PRKG1: variants seen among roughly 807,000 people sequenced by gnomAD.
PRKG1 encodes the protein protein kinase cGMP-dependent 1, also known as cGMP-dependent protein kinase 1.
A neutral mutation model predicts 88.1 loss-of-function variants in PRKG1; 35 were observed. That is an observed-to-expected ratio of 0.40 (90% CI 0.30 to 0.53). The LOEUF (loss-of-function observed/expected upper bound fraction) is 0.53, where lower values mean the gene tolerates loss of function less well. PRKG1 is among the 20% of genes least tolerant of loss of function. The probability of loss-of-function intolerance (pLI) is 0.59; values close to 1 mark genes in which losing one functional copy is unlikely to be tolerated. For missense variants in PRKG1, 540 were observed against 839.8 expected, an observed-to-expected ratio of 0.64 and a Z score of 4.41; for synonymous variants, 303 against 292.5, an observed-to-expected ratio of 1.04 and a Z score of -0.37.
chr10:51,926,615 A>AT (rs1842582797), intron 5 of PRKG1, among the ~76,000 whole-genome samples: 1 of 151,824 alleles, frequency 6.6e-6, no homozygotes, highest in South Asian at 2.1e-4. Flanking sequence ...GTGCTACTGC[A>AT]TTTTTCCAGC....
chr10:51,725,703 G>T (rs370700197), intron 3 of PRKG1, among the ~76,000 whole-genome samples: 1 of 151,002 alleles, frequency 6.6e-6, no homozygotes, highest in African/African-American at 2.4e-5. Flanking sequence ...GCATGCTCTC[G>T]GCTCACTACA....
intron 3 of PRKG1, among the ~76,000 whole-genome samples, chr10:51,684,205 A>T (rs571638607): frequency 7.9e-5 from 12 of 152,292 alleles, no homozygotes; most frequent in Middle Eastern, 3.4e-3. Flanking sequence ...ACATGGATAA[A>T]TTTTTTTTAA....
chr10:51,010,099 C>T (rs1231458178), intron 1 of PRKG1, among the ~76,000 whole-genome samples: 1 of 152,150 alleles, frequency 6.6e-6, no homozygotes, highest in East Asian at 1.9e-4. Context: ...CATGATTGGC[C>T]TCTGATTTGT....
chr10:51,040,230 A>G (rs1277757606), intron 1 of PRKG1, among the ~76,000 whole-genome samples: 1 of 48,678 alleles, frequency 2.1e-5, no homozygotes, highest in African/African-American at 8.0e-5. Context: ...TTTCCATTCC[A>G]TTTGTGTGTG....
intron 1 of PRKG1, among the ~76,000 whole-genome samples, chr10:51,142,254 C>G (rs922512641): frequency 2.6e-5 from 4 of 152,064 alleles, no homozygotes; most frequent in Non-Finnish European, 5.9e-5. Context: ...CTGTAAAACC[C>G]ATAAAGCATG....
intron 3 of PRKG1, among the ~76,000 whole-genome samples, chr10:51,716,500 C>T (rs1435710023): frequency 1.3e-5 from 2 of 152,136 alleles, no homozygotes; most frequent in African/African-American, 4.8e-5. Context: ...TAAAGTGTTT[C>T]CTGGAAATAA....
chr10:51,349,468 G>GTGTA (rs35310576), intron 2 of PRKG1, among the ~76,000 whole-genome samples: 97,286 of 149,586 alleles, frequency 0.65, 31,937 homozygotes, highest in Middle Eastern at 0.76. Context: ...GTGTGTGTGT[G>GTGTA]TGTGTGTGTG....
upstream of PRKG1, among the ~76,000 whole-genome samples, chr10:51,071,017 C>T (rs537716200): frequency 1.1e-4 from 17 of 152,244 alleles, no homozygotes; most frequent in East Asian, 3.3e-3. Context: ...CTACTCTATC[C>T]CTGAAGGAAT....
chr10:52,196,291 C>G (rs1364132522), intron 9 of PRKG1, among the ~76,000 whole-genome samples: 3 of 152,182 alleles, frequency 2.0e-5, no homozygotes, highest in African/African-American at 7.2e-5. Flanking sequence ...CCTGGGATTA[C>G]AGGCGTGAGC....
intron 3 of PRKG1, among the ~76,000 whole-genome samples, chr10:51,648,091 C>T (rs1432048716): frequency 6.6e-6 from 1 of 151,836 alleles, no homozygotes; most frequent in Non-Finnish European, 1.5e-5. Flanking sequence ...AAATCTACCA[C>T]AATGATTTTT....
In PRKG1 at chr10:51,161,328, T is replaced by C. The variant is rs12257265; in HGVS notation, c.478+7998T>C. On this transcript the variant is annotated intron_variant, in intron 2 of 17. Transcript: ENST00000373980. ...CAAGTTAAGAATTGACCAGGTGTTT[T>C]ACTCTAAAACATCATTATTGAAAAA... 1.5e-3 allele frequency among the ~76,000 whole-genome samples: 222 copies of C among 152,310 alleles called. 1 individual carries two copies. Among genetic ancestry groups the C allele is most frequent in the African/African-American group, 5.1e-3 (213 of 41,580 alleles).
intron 8 of PRKG1, among the ~76,000 whole-genome samples, chr10:52,157,306 GATATATATATATATATAT>G (rs142784154): frequency 0.034 from 4,289 of 125,878 alleles, 243 homozygotes; most frequent in African/African-American, 0.12. Flanking sequence ...TGAGTTAGTT[GATATATATATATATATAT>G]ATATATATAT....
chr10:51,037,218 C>T (rs1287469800), intron 1 of PRKG1, among the ~76,000 whole-genome samples: 2 of 152,068 alleles, frequency 1.3e-5, no homozygotes, highest in African/African-American at 4.8e-5. Flanking sequence ...GAGGCCGAGG[C>T]AGGAGGATTG....
chr10:51,920,588 T>C (rs1179852321), intron 5 of PRKG1, among the ~76,000 whole-genome samples: 3 of 152,136 alleles, frequency 2.0e-5, no homozygotes, highest in African/African-American at 7.2e-5. Context: ...TGTTTATATA[T>C]CTATCTTTAT....
intron 7 of PRKG1, among the ~76,000 whole-genome samples, chr10:52,101,694 G>A (rs1248708163): frequency 6.6e-6 from 1 of 152,196 alleles, no homozygotes; most frequent in Non-Finnish European, 1.5e-5. Context: ...CTGAGACCCA[G>A]ACAGGTTGAA....
At chr10:51,842,425 C>T (rs992732625) in intron 4 of PRKG1, among the ~76,000 whole-genome samples, 8 of 152,302 alleles carry the variant, frequency 5.3e-5, no homozygotes, top group Middle Eastern at 3.4e-3. Flanking sequence ...TTACACTACA[C>T]GATGACTGAA....
intron 5 of PRKG1, among the ~76,000 whole-genome samples, chr10:51,956,792 TCTCTA>T (rs1386381859): frequency 6.6e-6 from 1 of 152,116 alleles, no homozygotes; most frequent in East Asian, 1.9e-4. Flanking sequence ...GTTATTTCTC[TCTCTA>T]TTTTTTCCTT....
In PRKG1 at chr10:51,205,127, C is replaced by CTTTT. The variant is rs58176913; in HGVS notation, c.478+51824_478+51827dup. Among the ~76,000 whole-genome samples, 182 of 63,968 alleles carry CTTTT rather than the reference C, an allele frequency of 2.8e-3. 5 individuals are homozygous for CTTTT. Among genetic ancestry groups the CTTTT allele is most frequent in the Non-Finnish European group, 3.2e-3 (105 of 33,220 alleles). 42.0% of individuals were successfully genotyped at this position (63,968 alleles called of 152,430 possible). ...TAAGGAAGAATTTTCATTTTCTTTTCTTTTTTTTTTTTTTTTTTTTTTTTT... is the reference window on the plus strand; with the variant it reads ...TAAGGAAGAATTTTCATTTTCTTTTCTTTTTTTTTTTTTTTTTTTTTTTTTTTTT... On this transcript the variant is annotated intron_variant, in intron 2 of 17. Coordinates refer to ENST00000373980, the MANE Select transcript of PRKG1 (RefSeq NM_006258.4).
intron 3 of PRKG1, among the ~76,000 whole-genome samples, chr10:51,622,485 C>T (rs964454573): frequency 1.3e-5 from 2 of 152,202 alleles, no homozygotes; most frequent in African/African-American, 4.8e-5. Flanking sequence ...TTGCGCATGA[C>T]CAGTCACCCA....
Sources: allele counts gnomAD v4.1 joint callset (sites outside exome capture counted in the v4.1 genomes callset), GRCh38; gene constraint gnomAD v4.1.1; transcripts MANE v1.5; gene names NCBI Gene and HGNC (gene_info 2026-07-23, HGNC 2026-07-21).